Variants in NKX6-2 observed in about 807,000 individuals in gnomAD.
The protein encoded by NKX6-2 is NK6 homeobox 2, also known as homeobox protein Nkx-6.2.
In NKX6-2, 22 loss-of-function variants were observed where a neutral mutation model predicts 19.9. The ratio of observed to expected loss-of-function variants is 1.10; its 90% CI spans 0.79 to 1.58. The LOEUF (loss-of-function observed/expected upper bound fraction) is 1.58. NKX6-2 is among the 40% of genes most tolerant of loss of function. The pLI is 0.00. For synonymous variants in NKX6-2, 257 were observed against 204.0 expected (o/e 1.26, Z -2.21); for missense variants, 475 against 410.6 (o/e 1.16, Z -1.35).
Position 132,786,137 on chromosome 10 carries a change from C to T in NKX6-2, c.-189G>A, listed in dbSNP as rs923645893. On this transcript the variant is annotated 5_prime_UTR_variant, in exon 1 of 3. Transcript: ENST00000368592. ...GGCGGCGGCGGCGGCGGCTCCGGGG[C>T]CGGTCGGAGCGGCGCCGCGCGGGAC... is the stretch of plus-strand genomic sequence containing the variant. 1.2e-4 allele frequency: 17 copies of T among 145,336 alleles called. No individual in the cohort carries two copies. The highest frequency in any genetic ancestry group is 3.9e-4 in the African/African-American group (16 of 40,542). The allele number at this position is 145,336 out of a possible 1,614,324, so 9.0% of individuals were successfully genotyped here.
Position 132,785,595 on chromosome 10 carries a change from C to G in NKX6-2, c.354G>C (p.Trp118Cys), listed in dbSNP as rs1847254285. Residue 118 changes from tryptophan (W) to cysteine (C), a missense_variant, in exon 1 of 3, where the codon TGG (tryptophan) becomes TGC (cysteine). Trp to Cys is a radical substitution (Grantham distance 215). Transcript: ENST00000368592. The surrounding 1 kb of genome is among the most constrained non-coding windows in gnomAD (Gnocchi z 5.5). ...AGGGCGCGCCCTGCACCACGCCGGG[C>G]CAGAAGATGGGCGGGCGCCCCGGCA... Reference protein sequence around the residue: ...AELPGRPPIFWPGVVQGAPWR... With the variant: ...AELPGRPPIFCPGVVQGAPWR... The G allele has an allele frequency of 2.4e-6, 3 of 1,256,828 alleles. No homozygotes were observed. Among genetic ancestry groups the G allele is most frequent in the East Asian group, 3.3e-5 (1 of 30,470 alleles). The allele number at this position is 1,256,828 out of a possible 1,614,324, so 77.9% of individuals were successfully genotyped here. A position where few individuals can be genotyped will look rare whatever the true frequency, so the allele number is the denominator to read the frequency against.
chr10:132,785,804 C>A lies in NKX6-2; in HGVS notation c.145G>T (p.Gly49Cys). 2 of 1,370,792 alleles carry A rather than the reference C, an allele frequency of 1.5e-6. No homozygotes were observed. The highest frequency in any genetic ancestry group is 1.7e-5 in the South Asian group (1 of 58,096). 84.9% of individuals were successfully genotyped at this position (1,370,792 alleles called of 1,614,324 possible). A position where few individuals can be genotyped will look rare whatever the true frequency, so the allele number is the denominator to read the frequency against. ...GGGGTCCCGAGCGGGAGCTGCGCGCCCAGGCCCCCCAGCGCGGGCGCCTTG... is the reference window on the plus strand; with the variant it reads ...GGGGTCCCGAGCGGGAGCTGCGCGCACAGGCCCCCCAGCGCGGGCGCCTTG... ...GFKAPALGGL[G>C]AQLPLGTPHG... Residue 49 changes from glycine to cysteine, a missense_variant, in exon 1 of 3, where the codon GGC (glycine) becomes TGC (cysteine). Physicochemically the swap from Gly to Cys is radical, Grantham distance 159. Coordinates refer to ENST00000368592, the MANE Select transcript of NKX6-2 (RefSeq NM_177400.3). This position sits in a 1 kb window ranked among gnomAD's most constrained non-coding sequence, Gnocchi z 5.5.
chr10:132,785,860 A>G lies in NKX6-2; in HGVS notation c.89T>C (p.Phe30Ser). Residue 30 changes from phenylalanine to serine, a missense_variant, in exon 1 of 3, where the codon TTC becomes TCC. Phe to Ser is a radical substitution (Grantham distance 155). Coordinates refer to ENST00000368592, the MANE Select transcript of NKX6-2 (RefSeq NM_177400.3). This position sits in a 1 kb window ranked among gnomAD's most constrained non-coding sequence, Gnocchi z 5.5. ...HNMAEMKTSL[F>S]PYALQGPAGF... ...GGCCGGACCCTGCAGCGCGTAGGGG[A>G]ACAGCGACGTCTTCATCTCGGCCAT... 2 of 1,383,586 alleles carry G rather than the reference A, an allele frequency of 1.4e-6. No homozygotes were observed. The highest frequency in any genetic ancestry group is 2.5e-5 in the Admixed American group (1 of 40,626). The allele number at this position is 1,383,586 out of a possible 1,614,324, so 85.7% of individuals were successfully genotyped here.
In NKX6-2 at chr10:132,785,491, G is replaced by T. The variant is rs1437132125; in HGVS notation, c.407-39C>A. The T allele has an allele frequency of 6.8e-7, 1 of 1,462,858 alleles. No homozygotes were observed. Among genetic ancestry groups the T allele is most frequent in the African/African-American group, 1.5e-5 (1 of 67,612 alleles). The allele number at this position is 1,462,858 out of a possible 1,614,324, so 90.6% of individuals were successfully genotyped here. A position where few individuals can be genotyped will look rare whatever the true frequency, so the allele number is the denominator to read the frequency against. ...GAAGGGAGGGAGGTCAGCGGCCGGC[G>T]GGGTCCCCCTCCGCGCCCACCCGCC... is the stretch of plus-strand genomic sequence containing the variant. On this transcript the variant is annotated intron_variant, in intron 1 of 2. Coordinates refer to ENST00000368592, the MANE Select transcript of NKX6-2 (RefSeq NM_177400.3). This position sits in a 1 kb window ranked among gnomAD's most constrained non-coding sequence, Gnocchi z 5.5.
chr10:132,785,882 C>A lies in NKX6-2; in HGVS notation c.67G>T (p.Ala23Ser). ...SAPLAALHNM[A>S]EMKTSLFPYA... ...GGGAACAGCGACGTCTTCATCTCGG[C>A]CATGTTGTGCAGCGCGGCCAGCGGG... Residue 23 changes from alanine to serine, a missense_variant, in exon 1 of 3, where the codon GCC becomes TCC. Transcript: ENST00000368592. This position sits in a 1 kb window ranked among gnomAD's most constrained non-coding sequence, Gnocchi z 5.5. 1 of 1,394,772 alleles carries A rather than the reference C, an allele frequency of 7.2e-7. No homozygotes were observed. Among genetic ancestry groups the A allele is most frequent in the Non-Finnish European group, 9.5e-7 (1 of 1,050,286 alleles). The allele number at this position is 1,394,772 out of a possible 1,614,324, so 86.4% of individuals were successfully genotyped here.
chr10:132,785,830 A>T lies in NKX6-2; in HGVS notation c.119T>A (p.Phe40Tyr), dbSNP rs775736296. 1 of 1,380,558 alleles carries T rather than the reference A, an allele frequency of 7.2e-7. No homozygotes were observed. The highest frequency in any genetic ancestry group is 1.6e-5 in the South Asian group (1 of 61,120). 85.5% of individuals were successfully genotyped at this position (1,380,558 alleles called of 1,614,324 possible). ...FPYALQGPAG[F>Y]KAPALGGLGA... ...CAGGCCCCCCAGCGCGGGCGCCTTGAAGCCGGCCGGACCCTGCAGCGCGTA... is the reference window on the plus strand; with the variant it reads ...CAGGCCCCCCAGCGCGGGCGCCTTGTAGCCGGCCGGACCCTGCAGCGCGTA... The change falls in exon 1 of 3, where the codon TTC becomes TAC. Residue 40 changes from phenylalanine to tyrosine, a missense_variant. By Grantham distance (22) the Phe-to-Tyr change is conservative. Transcript: ENST00000368592. This position sits in a 1 kb window ranked among gnomAD's most constrained non-coding sequence, Gnocchi z 5.5.
In NKX6-2 at chr10:132,785,463, G is replaced by C; in HGVS notation, c.407-11C>G. 6.5e-7 allele frequency: 1 copy of C among 1,549,810 alleles called. No individual in the cohort carries two copies. ...CGCCGCCGGCCGGGGCTGCAAGGGA[G>C]GGGAAGGGAGGGAGGTCAGCGGCCG... On this transcript the variant is annotated splice_polypyrimidine_tract_variant and intron_variant, in intron 1 of 2. Coordinates refer to ENST00000368592, the MANE Select transcript of NKX6-2 (RefSeq NM_177400.3). The surrounding 1 kb of genome is among the most constrained non-coding windows in gnomAD (Gnocchi z 5.5).
In NKX6-2 at chr10:132,785,021, G is replaced by T. The variant is rs1387993028; in HGVS notation, c.729C>A (p.Asp243Glu). 6 of 1,610,196 alleles carry T rather than the reference G, an allele frequency of 3.7e-6. No individual in the cohort carries two copies. Among genetic ancestry groups the T allele is most frequent in the Non-Finnish European group, 5.1e-6 (6 of 1,177,396 alleles). ...EDDDEYNRPL[D>E]PNSDDEKITR... ...TGATCTTCTCGTCGTCCGAGTTGGGGTCCAGGGGCCGGTTGTATTCGTCGT... is the reference window on the plus strand; with the variant it reads ...TGATCTTCTCGTCGTCCGAGTTGGGTTCCAGGGGCCGGTTGTATTCGTCGT... The change falls in exon 3 of 3, where the codon GAC becomes GAA. Residue 243 changes from aspartate to glutamate, a missense_variant. Coordinates refer to ENST00000368592, the MANE Select transcript of NKX6-2 (RefSeq NM_177400.3). The surrounding 1 kb of genome is among the most constrained non-coding windows in gnomAD (Gnocchi z 5.5).
Position 132,784,834 on chromosome 10 carries a change from TTGA to T in NKX6-2, c.*79_*81del, listed in dbSNP as rs1330606717. 2.9e-6 allele frequency: 3 copies of T among 1,023,944 alleles called. No homozygotes were observed. In the African/African-American group the frequency reaches 4.8e-5, roughly 16 times the overall value. The allele number at this position is 1,023,944 out of a possible 1,614,324, so 63.4% of individuals were successfully genotyped here. A position where few individuals can be genotyped will look rare whatever the true frequency, so the allele number is the denominator to read the frequency against. On this transcript the variant is annotated 3_prime_UTR_variant, in exon 3 of 3. Transcript: ENST00000368592. The stretch of plus-strand genomic sequence containing the variant: ...CGACGGGGACCCGTTAAATAATTTA[TTGA>T]TGATACAAAGCGACTCGCGCCCACC...
Position 132,785,978 on chromosome 10 carries a change from A to C in NKX6-2, c.-30T>G, listed in dbSNP as rs1242212154. 3 of 743,632 alleles carry C rather than the reference A, an allele frequency of 4.0e-6. No homozygotes were observed. The highest frequency in any genetic ancestry group is 5.3e-6 in the Non-Finnish European group (3 of 561,854). The allele number at this position is 743,632 out of a possible 1,614,324, so 46.1% of individuals were successfully genotyped here. A position where few individuals can be genotyped will look rare whatever the true frequency, so the allele number is the denominator to read the frequency against. ...GCCGCCGCCGCCGGCCCGGGCTCCC[A>C]TCCGGGCCCCGCCGCCGCCGCCCCT... On this transcript the variant is annotated 5_prime_UTR_variant, in exon 1 of 3. An upstream start codon of the reference 5' UTR is lost. Transcript: ENST00000368592. The surrounding 1 kb of genome is among the most constrained non-coding windows in gnomAD (Gnocchi z 5.5).
At position 132,783,934 on chromosome 10, in the gene NKX6-2, A is replaced by G. The variant is rs1475388177; in HGVS notation, c.*982T>C. On this transcript the variant is annotated 3_prime_UTR_variant, in exon 3 of 3. Transcript: ENST00000368592. ...GAAATCGTACCACCGCAGTGATATCATTATTTACATTTAATTTTTAAAAAT... is the reference window on the plus strand; with the variant it reads ...GAAATCGTACCACCGCAGTGATATCGTTATTTACATTTAATTTTTAAAAAT... 2 of 152,256 alleles carry G rather than the reference A, an allele frequency of 1.3e-5. No individual in the cohort carries two copies. Among genetic ancestry groups the G allele is most frequent in the Admixed American group, 6.5e-5 (1 of 15,292 alleles). 9.4% of individuals were successfully genotyped at this position (152,256 alleles called of 1,614,324 possible).
chr10:132,785,719 C>G lies in NKX6-2; in HGVS notation c.230G>C (p.Gly77Ala), dbSNP rs1847256398. Residue 77 changes from glycine (G) to alanine (A), a missense_variant, in exon 1 of 3, where the codon GGG (glycine) becomes GCG (alanine). Gly to Ala is a moderately conservative substitution (Grantham distance 60). Coordinates refer to ENST00000368592, the MANE Select transcript of NKX6-2 (RefSeq NM_177400.3). This position sits in a 1 kb window ranked among gnomAD's most constrained non-coding sequence, Gnocchi z 5.5. ...GAGCCCGTTGAGCCGGGGCAGCCCC[C>G]CCAGGAGGCCCCCGCCCGCCGCGCC... The part of the protein sequence containing the change: ...PVGAAGGGLL[G>A]GLPRLNGLAS... 1 of 1,236,742 alleles carries G rather than the reference C, an allele frequency of 8.1e-7. No homozygotes were observed. Among genetic ancestry groups the G allele is most frequent in the Non-Finnish European group, 1.0e-6 (1 of 993,686 alleles). The allele number at this position is 1,236,742 out of a possible 1,614,324, so 76.6% of individuals were successfully genotyped here.
chr10:132,786,129 C>G lies in NKX6-2; in HGVS notation c.-181G>C, dbSNP rs1221774977. ...GGCGGGCGGGCGGCGGCGGCGGCGG[C>G]TCCGGGGCCGGTCGGAGCGGCGCCG... On this transcript the variant is annotated 5_prime_UTR_variant, in exon 1 of 3. Coordinates refer to ENST00000368592, the MANE Select transcript of NKX6-2 (RefSeq NM_177400.3). 6.9e-6 allele frequency: 1 copy of G among 145,232 alleles called. No individual in the cohort carries two copies. Among genetic ancestry groups the G allele is most frequent in the African/African-American group, 2.5e-5 (1 of 40,482 alleles). 9.0% of individuals were successfully genotyped at this position (145,232 alleles called of 1,614,324 possible).
Position 132,785,469 on chromosome 10 carries a change from G to A in NKX6-2, c.407-17C>T, listed in dbSNP as rs1459885658. 1 of 1,533,584 alleles carries A rather than the reference G, an allele frequency of 6.5e-7. No homozygotes were observed. Among genetic ancestry groups the A allele is most frequent in the Non-Finnish European group, 8.8e-7 (1 of 1,139,898 alleles). 95.0% of individuals were successfully genotyped at this position (1,533,584 alleles called of 1,614,324 possible). A position where few individuals can be genotyped will look rare whatever the true frequency, so the allele number is the denominator to read the frequency against. On this transcript the variant is annotated splice_polypyrimidine_tract_variant and intron_variant, in intron 1 of 2. Coordinates refer to ENST00000368592, the MANE Select transcript of NKX6-2 (RefSeq NM_177400.3). The surrounding 1 kb of genome is among the most constrained non-coding windows in gnomAD (Gnocchi z 5.5). ...CGGCCGGGGCTGCAAGGGAGGGGAA[G>A]GGAGGGAGGTCAGCGGCCGGCGGGG...
chr10:132,785,673 G>T lies in NKX6-2; in HGVS notation c.276C>A (p.Tyr92Ter). Residue 92 changes from tyrosine (Y) to a stop codon, truncating the protein, a stop_gained, in exon 1 of 3, where the codon TAC becomes TAA. Transcript: ENST00000368592. LOFTEE classifies it high-confidence loss of function. This position sits in a 1 kb window ranked among gnomAD's most constrained non-coding sequence, Gnocchi z 5.5. ...LNGLASSAGV[Y>*]FGPAAAVARG... ...GCGCCACAGCGGCCGCGGGCCCGAA[G>T]TAAACGCCGGCGGACGACGCGAGCC... 1 of 1,253,160 alleles carries T rather than the reference G, an allele frequency of 8.0e-7. No individual in the cohort carries two copies. Among genetic ancestry groups the T allele is most frequent in the Non-Finnish European group, 1.0e-6 (1 of 1,000,518 alleles). 77.6% of individuals were successfully genotyped at this position (1,253,160 alleles called of 1,614,324 possible).
In NKX6-2 at chr10:132,784,797, G is replaced by A; in HGVS notation, c.*119C>T. 3 of 774,144 alleles carry A rather than the reference G, an allele frequency of 3.9e-6. No individual in the cohort carries two copies. Among genetic ancestry groups the A allele is most frequent in the Middle Eastern group, 3.8e-4 (1 of 2,624 alleles). 48.0% of individuals were successfully genotyped at this position (774,144 alleles called of 1,614,324 possible). A position where few individuals can be genotyped will look rare whatever the true frequency, so the allele number is the denominator to read the frequency against. On this transcript the variant is annotated 3_prime_UTR_variant, in exon 3 of 3. Coordinates refer to ENST00000368592, the MANE Select transcript of NKX6-2 (RefSeq NM_177400.3). ...GAAGAAACACGCGGCGCAGGCTCCG[G>A]AGCGACGGCTCCGACGGGGACCCGT...
chr10:132,785,716 C>T lies in NKX6-2; in HGVS notation c.233G>A (p.Gly78Glu). Residue 78 changes from glycine to glutamate, a missense_variant, in exon 1 of 3, where the codon GGG (glycine) becomes GAG (glutamate). Gly to Glu is a moderately conservative substitution (Grantham distance 98). Coordinates refer to ENST00000368592, the MANE Select transcript of NKX6-2 (RefSeq NM_177400.3). This position sits in a 1 kb window ranked among gnomAD's most constrained non-coding sequence, Gnocchi z 5.5. ...VGAAGGGLLG[G>E]LPRLNGLASS... ...CGCGAGCCCGTTGAGCCGGGGCAGC[C>T]CCCCCAGGAGGCCCCCGCCCGCCGC... The T allele has an allele frequency of 1.6e-6, 2 of 1,238,680 alleles. No homozygotes were observed. Among genetic ancestry groups the T allele is most frequent in the Non-Finnish European group, 2.0e-6 (2 of 994,980 alleles). 76.7% of individuals were successfully genotyped at this position (1,238,680 alleles called of 1,614,324 possible). A position where few individuals can be genotyped will look rare whatever the true frequency, so the allele number is the denominator to read the frequency against.
chr10:132,786,005 C>A lies in NKX6-2; in HGVS notation c.-57G>T. Reference sequence around the variant, plus strand: ...CCGGGCCCCGCCGCCGCCGCCCCTGCCCGCCGGCCCGGGAAGTTTGCGCGC... The same window carrying A: ...CCGGGCCCCGCCGCCGCCGCCCCTGACCGCCGGCCCGGGAAGTTTGCGCGC... On this transcript the variant is annotated 5_prime_UTR_variant, in exon 1 of 3. Transcript: ENST00000368592. 2.3e-6 allele frequency: 1 copy of A among 431,904 alleles called. No individual in the cohort carries two copies. The highest frequency in any genetic ancestry group is 3.3e-6 in the Non-Finnish European group (1 of 299,464). The allele number at this position is 431,904 out of a possible 1,614,324, so 26.8% of individuals were successfully genotyped here. A position where few individuals can be genotyped will look rare whatever the true frequency, so the allele number is the denominator to read the frequency against.
In NKX6-2 at chr10:132,785,648, G is replaced by C; in HGVS notation, c.301C>G (p.Arg101Gly). The part of the protein sequence containing the change: ...VYFGPAAAVA[R>G]GYPKPLAELP... ...TCGGCCAGGGGCTTGGGGTAGCCGCGCGCCACAGCGGCCGCGGGCCCGAAG... is the reference window on the plus strand; with the variant it reads ...TCGGCCAGGGGCTTGGGGTAGCCGCCCGCCACAGCGGCCGCGGGCCCGAAG... Residue 101 changes from arginine to glycine, a missense_variant, in exon 1 of 3, where the codon CGC becomes GGC. Arg to Gly is a moderately radical substitution (Grantham distance 125, BLOSUM62 -2). Coordinates refer to ENST00000368592, the MANE Select transcript of NKX6-2 (RefSeq NM_177400.3). The surrounding 1 kb of genome is among the most constrained non-coding windows in gnomAD (Gnocchi z 5.5). 2 of 1,247,420 alleles carry C rather than the reference G, an allele frequency of 1.6e-6. No homozygotes were observed. Among genetic ancestry groups the C allele is most frequent in the Non-Finnish European group, 2.0e-6 (2 of 997,978 alleles). The allele number at this position is 1,247,420 out of a possible 1,614,324, so 77.3% of individuals were successfully genotyped here. A position where few individuals can be genotyped will look rare whatever the true frequency, so the allele number is the denominator to read the frequency against.
Sources: gnomAD v4.1 joint callset for allele counts on GRCh38, gnomAD v4.1.1 for gene constraint, Gnocchi (gnomAD v3.1) non-coding constraint, MANE v1.5 for transcripts, NCBI Gene and HGNC (gene_info 2026-07-23, HGNC 2026-07-21) for gene names.